The following DLGAP2 variants were observed in gnomAD, a reference collection of about 807,000 sequenced individuals.
DLGAP2 encodes disks large-associated protein 2.
A neutral mutation model predicts 100.3 loss-of-function variants in DLGAP2; 26 were observed. The observed-to-expected ratio is 0.26, with a 90% CI of 0.19 to 0.36. The LOEUF (loss-of-function observed/expected upper bound fraction) is 0.36, where lower values mean the gene tolerates loss of function less well. DLGAP2 is among the 10% of genes least tolerant of loss of function. DLGAP2 has a pLI of 1.00. For missense variants in DLGAP2, 1,858 were observed against 1,453.2 expected (o/e 1.28, Z -4.53); for synonymous variants, 886 against 630.1 (o/e 1.41, Z -6.08).
chr8:1,168,580 G>T (rs947200290), intron 2 of DLGAP2, among the ~76,000 whole-genome samples: 5 of 149,064 alleles, frequency 3.4e-5, no homozygotes, highest in African/African-American at 9.9e-5. Flanking sequence ...ATTCTAACAG[G>T]TGTGAGATGA....
chr8:1,024,179 G>A lies in DLGAP2; in HGVS notation c.73+116213G>A, dbSNP rs62488483. ...CCATCCACCACCCACCCTCCCTGGG[G>A]GTGGACAGTTCCGTGCCGAGGTAGA... On this transcript the variant is annotated intron_variant, in intron 2 of 14. Transcript: ENST00000637795. 4.3e-3 allele frequency among the ~76,000 whole-genome samples: 332 copies of A among 78,004 alleles called. 2 individuals carry two copies. Among genetic ancestry groups the A allele is most frequent in the Middle Eastern group, 7.8e-3 (1 of 128 alleles). 51.2% of individuals were successfully genotyped at this position (78,004 alleles called of 152,430 possible).
At chr8:1,093,558 C>A (rs1369119953) in intron 2 of DLGAP2, among the ~76,000 whole-genome samples, 1 of 152,056 alleles carries the variant, frequency 6.6e-6, no homozygotes, top group African/African-American at 2.4e-5. Flanking sequence ...GACAGAAACA[C>A]CCTCACACCG....
intron 3 of DLGAP2, among the ~76,000 whole-genome samples, chr8:1,336,688 T>C (rs1046370874): frequency 6.6e-6 from 1 of 152,210 alleles, no homozygotes; most frequent in African/African-American, 2.4e-5. Context: ...TTGCTTCTGT[T>C]GAGCCACTCT....
At chr8:1,567,657 G>C (rs1047682088) in intron 6 of DLGAP2, among the ~76,000 whole-genome samples, 10 of 152,126 alleles carry the variant, frequency 6.6e-5, no homozygotes, top group African/African-American at 1.7e-4. Flanking sequence ...CTTCACATCA[G>C]GGACTGGCCC....
At chr8:841,798 A>G (rs987450210) in intron 1 of DLGAP2, among the ~76,000 whole-genome samples, 2 of 152,192 alleles carry the variant, frequency 1.3e-5, no homozygotes, top group African/African-American at 4.8e-5. Flanking sequence ...TGATACTTCC[A>G]ATTTGAACTT....
intron 3 of DLGAP2, among the ~76,000 whole-genome samples, chr8:1,293,235 C>A (rs1800099807): frequency 6.6e-6 from 1 of 152,220 alleles, no homozygotes. Flanking sequence ...CACACATGGG[C>A]CCACATGCCC....
intron 2 of DLGAP2, among the ~76,000 whole-genome samples, chr8:1,126,616 G>T (rs1196821452): frequency 6.6e-6 from 1 of 152,044 alleles, no homozygotes; most frequent in African/African-American, 2.4e-5. Flanking sequence ...AGGGCTTTCA[G>T]TAGGGTCTCG....
intron 3 of DLGAP2, among the ~76,000 whole-genome samples, chr8:1,281,299 G>C (rs756543116): frequency 2.0e-5 from 3 of 152,216 alleles, no homozygotes; most frequent in Admixed American, 6.5e-5. Flanking sequence ...TGAGAAACGG[G>C]GGATGGTGGA....
chr8:1,189,842 C>T (rs537675813), intron 2 of DLGAP2, among the ~76,000 whole-genome samples: 77 of 152,260 alleles, frequency 5.1e-4, no homozygotes, highest in African/African-American at 1.6e-3. Flanking sequence ...AGGGGCTGCT[C>T]CAGCAGGCAG....
At chr8:969,306 G>A (rs1040275137) in intron 2 of DLGAP2, among the ~76,000 whole-genome samples, 4 of 152,094 alleles carry the variant, frequency 2.6e-5, no homozygotes, top group African/African-American at 4.8e-5. Context: ...TGGGCCTCCC[G>A]CTGGCCGACA....
intron 3 of DLGAP2, among the ~76,000 whole-genome samples, chr8:1,490,586 G>A (rs539683735): frequency 2.3e-4 from 35 of 152,298 alleles, no homozygotes; most frequent in African/African-American, 8.2e-4. Context: ...GCAGCCCTGG[G>A]CCACAGTCGG....
At chr8:885,521 G>C (rs1797905837) in intron 1 of DLGAP2, among the ~76,000 whole-genome samples, 1 of 152,106 alleles carries the variant, frequency 6.6e-6, no homozygotes, top group East Asian at 1.9e-4. Flanking sequence ...TAAGTTTTTG[G>C]GCTGAGGTGA....
chr8:805,394 C>T (rs1354768915), intron 1 of DLGAP2, among the ~76,000 whole-genome samples: 1 of 152,112 alleles, frequency 6.6e-6, no homozygotes, highest in Non-Finnish European at 1.5e-5. Context: ...GGGCTTTCTT[C>T]CTATGGTGCT....
chr8:898,524 G>A (rs1454631556), intron 1 of DLGAP2, among the ~76,000 whole-genome samples: 1 of 152,150 alleles, frequency 6.6e-6, no homozygotes, highest in Non-Finnish European at 1.5e-5. Flanking sequence ...CTCTAGTCAC[G>A]GAGACATGAT....
At chr8:879,617 C>G (rs1797748803) in intron 1 of DLGAP2, among the ~76,000 whole-genome samples, 1 of 152,192 alleles carries the variant, frequency 6.6e-6, no homozygotes, top group Non-Finnish European at 1.5e-5. Context: ...CAAGAACACA[C>G]AAATCCGTTC....
chr8:1,436,126 C>G (rs538307884), intron 3 of DLGAP2, among the ~76,000 whole-genome samples: 3 of 152,252 alleles, frequency 2.0e-5, no homozygotes, highest in Admixed American at 6.5e-5. Context: ...AGAATTGACT[C>G]ACAACCACAA....
At chr8:1,365,801 G>C (rs1349761642) in intron 3 of DLGAP2, among the ~76,000 whole-genome samples, 2 of 152,240 alleles carry the variant, frequency 1.3e-5, no homozygotes, top group African/African-American at 2.4e-5. Flanking sequence ...GACCAGAGCT[G>C]TGCCATGTCT....
At chr8:823,155 TC>T (rs1168848742) in intron 1 of DLGAP2, among the ~76,000 whole-genome samples, 2 of 152,164 alleles carry the variant, frequency 1.3e-5, no homozygotes, top group Non-Finnish European at 2.9e-5. Context: ...GGCTCAGAGT[TC>T]CGATACTTTC....
At chr8:1,319,191 C>T (rs1800838731) in intron 3 of DLGAP2, among the ~76,000 whole-genome samples, 1 of 152,144 alleles carries the variant, frequency 6.6e-6, no homozygotes, top group African/African-American at 2.4e-5. Flanking sequence ...TCCCCTCCCT[C>T]CTCCCTGGTC....
Sources: gnomAD v4.1 joint callset for allele counts (sites outside exome capture counted in the v4.1 genomes callset) on GRCh38, gnomAD v4.1.1 for gene constraint, MANE v1.5 for transcripts, NCBI Gene and HGNC (gene_info 2026-07-23, HGNC 2026-07-21) for gene names.